The following PALM2AKAP2 variants were observed in gnomAD, a reference collection of about 807,000 sequenced individuals.
The protein encoded by PALM2AKAP2 is PALM2 and AKAP2 fusion.
In PALM2AKAP2, 37 loss-of-function variants were observed where a neutral mutation model predicts 71.5. That is an observed-to-expected ratio of 0.52 (90% CI 0.40 to 0.68). PALM2AKAP2 has a LOEUF of 0.68. Ranked by LOEUF, PALM2AKAP2 falls within the 30% of genes least tolerant of loss-of-function variation. PALM2AKAP2 has a pLI of 0.00. For missense variants in PALM2AKAP2, 1,224 were observed against 1,191.8 expected, an observed-to-expected ratio of 1.03 and a Z score of -0.40; for synonymous variants, 468 against 478.8, an observed-to-expected ratio of 0.98 and a Z score of 0.29.
chr9:110,113,891 C>T (rs1049813140), intron 1 of PALM2AKAP2, among the ~76,000 whole-genome samples: 4 of 152,066 alleles, frequency 2.6e-5, no homozygotes, highest in Non-Finnish European at 4.4e-5. Flanking sequence ...TGAGAAGGCT[C>T]GAAAAATGCT....
chr9:109,658,505 T>A (rs1827342244), intron 1 of PALM2AKAP2, among the ~76,000 whole-genome samples: 1 of 152,194 alleles, frequency 6.6e-6, no homozygotes, highest in African/African-American at 2.4e-5. Context: ...TGTCCGTACA[T>A]AATAAAAAAC....
chr9:110,093,150 G>A (rs1834755343), intron 1 of PALM2AKAP2, among the ~76,000 whole-genome samples: 1 of 152,214 alleles, frequency 6.6e-6, no homozygotes, highest in African/African-American at 2.4e-5. Flanking sequence ...CATGTAGCCA[G>A]TTGTTGTCTT....
intron 6 of PALM2AKAP2, among the ~76,000 whole-genome samples, chr9:109,957,523 C>T (rs1224141794): frequency 6.6e-6 from 1 of 152,214 alleles, no homozygotes; most frequent in Admixed American, 6.5e-5. Flanking sequence ...CTCCCAAAGA[C>T]AGCTCAGCTT....
rs147095006 is a variant in PALM2AKAP2 at position 110,136,562 on chromosome 9, C to T, written c.592C>T (p.Arg198Trp). ...AGAACCCACTGAAAGAACAGCTAGC[C>T]GGCAGGCACCTCCTCACATCGAGCT... Residue 198 changes from arginine (R) to tryptophan (W), a missense_variant, in exon 2 of 4, where the codon CGG (arginine) becomes TGG (tryptophan). Arg to Trp is a moderately radical substitution (Grantham distance 101, BLOSUM62 -3). Coordinates refer to ENST00000374525, the Ensembl canonical transcript of PALM2AKAP2. 1.1e-3 allele frequency: 1,832 copies of T among 1,613,396 alleles called. 1 individual carries two copies. Among genetic ancestry groups the T allele is most frequent in the Non-Finnish European group, 1.3e-3 (1,541 of 1,180,040 alleles).
chr9:109,825,385 C>G (rs1417197765), intron 1 of PALM2AKAP2, among the ~76,000 whole-genome samples: 2 of 152,202 alleles, frequency 1.3e-5, no homozygotes, highest in African/African-American at 2.4e-5. Context: ...AACTAAAGAG[C>G]TTCTGCACAG....
intron 7 of PALM2AKAP2, among the ~76,000 whole-genome samples, chr9:110,029,794 G>T (rs1413912727): frequency 6.6e-6 from 1 of 152,148 alleles, no homozygotes; most frequent in Non-Finnish European, 1.5e-5. Flanking sequence ...TCCCATTTAG[G>T]CAGGGAACCA....
intron 7 of PALM2AKAP2, among the ~76,000 whole-genome samples, chr9:110,022,956 A>G (rs1833101063): frequency 6.6e-6 from 1 of 152,016 alleles, no homozygotes; most frequent in Admixed American, 6.6e-5. Flanking sequence ...TATGTGCCAC[A>G]TTTTCTTAAT....
chr9:110,102,159 T>C (rs1378544801), intron 1 of PALM2AKAP2, among the ~76,000 whole-genome samples: 1 of 152,208 alleles, frequency 6.6e-6, no homozygotes, highest in African/African-American at 2.4e-5. Context: ...TGATGCCACA[T>C]CCCAGCCTCT....
chr9:109,997,780 C>A (rs888480863), intron 6 of PALM2AKAP2, among the ~76,000 whole-genome samples: 4 of 152,170 alleles, frequency 2.6e-5, no homozygotes, highest in Admixed American at 2.6e-4. Context: ...CAAGGAAGAG[C>A]CACCACCTGG....
intron 7 of PALM2AKAP2, among the ~76,000 whole-genome samples, chr9:110,024,126 G>A (rs992116604): frequency 6.6e-6 from 1 of 151,912 alleles, no homozygotes; most frequent in Non-Finnish European, 1.5e-5. Flanking sequence ...GATAAAATTT[G>A]CATGCCATAT....
chr9:110,085,047 A>G lies in PALM2AKAP2; in HGVS notation c.156+36192A>G, dbSNP rs1029698628. Among the ~76,000 whole-genome samples the G allele has an allele frequency of 2.0e-5, 3 of 152,096 alleles. No homozygotes were observed. The South Asian group carries it at 6.2e-4, about 32-fold the overall frequency. On this transcript the variant is annotated intron_variant, in intron 1 of 3. Coordinates refer to ENST00000374525, the Ensembl canonical transcript of PALM2AKAP2. ...GAGCCACCGCGCCCGGCCTAGATGC[A>G]ACCATACTTTAAAAAATATATTTTC...
At position 109,919,651 on chromosome 9, in the gene PALM2AKAP2, A is replaced by ATG. The variant is rs746582010; in HGVS notation, c.258-4080_258-4079dup. ...AATACATTAACACACATATAAATATATGTGTATATATATTATATAACTGGC... is the reference window on the plus strand; with the variant it reads ...AATACATTAACACACATATAAATATATGTGTGTATATATATTATATAACTGGC... On this transcript the variant is annotated intron_variant, in intron 3 of 9. Coordinates refer to the PALM2AKAP2 transcript ENST00000302798. 6.1e-4 allele frequency among the ~76,000 whole-genome samples: 92 copies of ATG among 151,912 alleles called. 1 individual carries two copies. The highest frequency in any genetic ancestry group is 1.6e-4 in the Non-Finnish European group (11 of 68,010).
chr9:109,899,257 A>G (rs961175669), intron 3 of PALM2AKAP2, among the ~76,000 whole-genome samples: 8 of 152,258 alleles, frequency 5.3e-5, no homozygotes, highest in Middle Eastern at 6.8e-3. Flanking sequence ...ATCACCATGC[A>G]CCCAGTTGCC....
At chr9:109,880,712 C>T in intron 3 of PALM2AKAP2, 31 bp downstream of exon 3, 7 of 1,610,942 alleles carry the variant, frequency 4.3e-6, no homozygotes, top group Non-Finnish European at 5.9e-6. Flanking sequence ...GGAACCCATG[C>T]TACAGTTTTT....
chr9:109,695,772 C>T (rs1011595924), intron 1 of PALM2AKAP2, among the ~76,000 whole-genome samples: 2 of 152,042 alleles, frequency 1.3e-5, no homozygotes, highest in Admixed American at 1.3e-4. Flanking sequence ...ATAAGCCAGG[C>T]ACAGAAAGAC....
At chr9:110,136,423 C>G (rs371376965) in exon 2 of PALM2AKAP2, 3 of 1,614,032 alleles carry the variant, frequency 1.9e-6, no homozygotes, top group Admixed American at 3.3e-5. Context: ...TGCTAGAGGC[C>G]AACTGCTGTG....
intron 1 of PALM2AKAP2, among the ~76,000 whole-genome samples, chr9:110,052,049 C>T (rs1451475652): frequency 1.3e-5 from 2 of 152,080 alleles, no homozygotes; most frequent in Non-Finnish European, 2.9e-5. Context: ...ACTACAGGTG[C>T]CCACCACCAC....
intron 3 of PALM2AKAP2, among the ~76,000 whole-genome samples, chr9:109,890,047 C>T (rs143170644): frequency 1.3e-5 from 2 of 152,314 alleles, no homozygotes; most frequent in African/African-American, 4.8e-5. Flanking sequence ...CCTTGCATAG[C>T]CCCTCTGGCT....
chr9:109,930,175 G>A (rs561516640), intron 5 of PALM2AKAP2, among the ~76,000 whole-genome samples: 5 of 152,120 alleles, frequency 3.3e-5, no homozygotes, highest in South Asian at 2.1e-4. Context: ...AAGTCCTGCT[G>A]TTCTAATCTT....
Sources: allele counts gnomAD v4.1 joint callset (sites outside exome capture counted in the v4.1 genomes callset), GRCh38; gene constraint gnomAD v4.1.1; transcripts MANE v1.5; gene names NCBI Gene and HGNC (gene_info 2026-07-23, HGNC 2026-07-21).